CD46: variants seen among roughly 807,000 people sequenced by gnomAD.
CD46 encodes membrane cofactor protein.
In CD46, 30 loss-of-function variants were observed where a neutral mutation model predicts 53.3. That is an observed-to-expected ratio of 0.56 (90% CI 0.42 to 0.76). CD46 has a LOEUF of 0.76. CD46 is among the 30% of genes least tolerant of loss of function. CD46 has a pLI of 0.00. For missense variants in CD46, 409 were observed against 463.0 expected, an observed-to-expected ratio of 0.88 and a Z score of 1.07; for synonymous variants, 142 against 152.0, an observed-to-expected ratio of 0.93 and a Z score of 0.48.
chr1:207,767,245 T>A (rs760897738), intron 6 of CD46, 50 bp downstream of exon 6: 1 of 1,479,134 alleles, frequency 6.8e-7, no homozygotes, highest in Admixed American at 1.7e-5. Context: ...TTGTTGCTGT[T>A]CATTTTAGAC....
chr1:207,759,736 CTT>C lies in CD46; in HGVS notation c.475+20_475+21del. ...CCCAATATGTGAAAGTAAGTAAATT[CTT>C]TTTTTTTAAATTTAGACCAGTAGTC... On this transcript the variant is annotated intron_variant, in intron 4 of 12. Coordinates refer to ENST00000367042, the MANE Select transcript of CD46 (RefSeq NM_172351.3). 1 of 1,545,088 alleles carries C rather than the reference CTT, an allele frequency of 6.5e-7. No individual in the cohort carries two copies. Among genetic ancestry groups the C allele is most frequent in the Non-Finnish European group, 8.9e-7 (1 of 1,120,080 alleles).
intron 8 of CD46, among the ~76,000 whole-genome samples, chr1:207,775,852 C>T (rs974562272): frequency 3.9e-5 from 6 of 152,200 alleles, no homozygotes; most frequent in African/African-American, 1.4e-4. Context: ...GCAGTCTGTC[C>T]AGTGTCGAAG....
intron 8 of CD46, among the ~76,000 whole-genome samples, chr1:207,781,095 A>G (rs925697188): frequency 6.6e-6 from 1 of 150,942 alleles, no homozygotes; most frequent in African/African-American, 2.4e-5. Context: ...ATTAAATTTC[A>G]TCATGAGTTT....
chr1:207,752,154 G>C lies in CD46; in HGVS notation c.-59G>C. On this transcript the variant is annotated 5_prime_UTR_variant, in exon 1 of 13. Coordinates refer to ENST00000367042, the MANE Select transcript of CD46 (RefSeq NM_172351.3). The surrounding 1 kb of genome is among the most constrained non-coding windows in gnomAD (Gnocchi z 4.1). Reference sequence around the variant, plus strand: ...GACCCAGAAGGGACTTCCCTGCTCGGCTGGCTCTCGGTTTCTCTGCTTTCC... The same window carrying C: ...GACCCAGAAGGGACTTCCCTGCTCGCCTGGCTCTCGGTTTCTCTGCTTTCC... 6.6e-7 allele frequency: 1 copy of C among 1,508,686 alleles called. No homozygotes were observed. The highest frequency in any genetic ancestry group is 9.2e-7 in the Non-Finnish European group (1 of 1,089,654). 93.5% of individuals were successfully genotyped at this position (1,508,686 alleles called of 1,614,324 possible).
chr1:207,777,850 T>C (rs1658284766), intron 8 of CD46, among the ~76,000 whole-genome samples: 1 of 152,170 alleles, frequency 6.6e-6, no homozygotes, highest in Non-Finnish European at 1.5e-5. Flanking sequence ...TTTAGGTCTT[T>C]GAGGAATCGC....
intron 11 of CD46, among the ~76,000 whole-genome samples, chr1:207,789,734 C>T (rs1157914103): frequency 6.6e-6 from 1 of 151,886 alleles, no homozygotes; most frequent in Admixed American, 6.6e-5. Flanking sequence ...TGTATTCCCT[C>T]AAAATTGAGG....
intron 3 of CD46, 85 bp downstream of exon 3, chr1:207,757,727 T>A (rs1312018840): frequency 2.2e-6 from 2 of 891,998 alleles, no homozygotes; most frequent in Non-Finnish European, 3.6e-6. Flanking sequence ...CCTGTAAACT[T>A]AATTTTGCTT....
At chr1:207,783,499 CA>C in intron 9 of CD46, 169 bp downstream of exon 9, 1 of 513,378 alleles carries the variant, frequency 1.9e-6, no homozygotes, top group Non-Finnish European at 3.6e-6. Context: ...TTTCTTTCCA[CA>C]TTATATTGTT....
chr1:207,791,850 G>C (rs779463664), intron 12 of CD46, among the ~76,000 whole-genome samples: 32 of 152,100 alleles, frequency 2.1e-4, no homozygotes, highest in Non-Finnish European at 4.3e-4. Context: ...CTTCAAAATA[G>C]CTTCATTGTT....
In CD46 at chr1:207,775,090, CT is replaced by C. The variant is rs1284695973; in HGVS notation, c.943+4734del. On this transcript the variant is annotated intron_variant, in intron 8 of 12. Coordinates refer to ENST00000367042, the MANE Select transcript of CD46 (RefSeq NM_172351.3). Reference sequence around the variant, plus strand: ...TGGAGGCTTTGTTTGTTTCTTTTCACTTTTTTCTCTAATCTTGTCTTCTTTT... The same window carrying C: ...TGGAGGCTTTGTTTGTTTCTTTTCACTTTTTCTCTAATCTTGTCTTCTTTT... Among the ~76,000 whole-genome samples the C allele has an allele frequency of 2.0e-5, 3 of 152,046 alleles. No individual in the cohort carries two copies. The East Asian group carries it at 5.8e-4, about 29-fold the overall frequency.
In CD46 at chr1:207,767,157, A is replaced by G; in HGVS notation, c.818A>G (p.Asn273Ser). The G allele has an allele frequency of 6.2e-7, 1 of 1,613,966 alleles. No homozygotes were observed. Among genetic ancestry groups the G allele is most frequent in the South Asian group, 1.1e-5 (1 of 91,086 alleles). ...AGCGACACAATTGTCTGTGACAGTAACAGTACTTGGGATCCCCCAGTTCCA... is the reference window on the plus strand; with the variant it reads ...AGCGACACAATTGTCTGTGACAGTAGCAGTACTTGGGATCCCCCAGTTCCA... ...DGSDTIVCDS[N>S]STWDPPVPKC... Residue 273 changes from asparagine (N) to serine (S), a missense_variant, in exon 6 of 13, where the codon AAC becomes AGC. Transcript: ENST00000367042.
chr1:207,768,695 G>A (rs550373657), intron 7 of CD46: 1 of 151,162 alleles, frequency 6.6e-6, no homozygotes, highest in Non-Finnish European at 1.5e-5. Flanking sequence ...TGATATGATG[G>A]AAGGAATTAT....
chr1:207,790,399 A>G, intron 12 of CD46, 54 bp downstream of exon 12: 1 of 873,604 alleles, frequency 1.1e-6, no homozygotes, highest in Non-Finnish European at 1.9e-6. Context: ...AAAAATATTC[A>G]GTGGATATAT....
Position 207,756,984 on chromosome 1 carries a change from A to C in CD46, c.98-30A>C, listed in dbSNP as rs531437382. 5.4e-5 allele frequency: 85 copies of C among 1,582,730 alleles called. 1 individual carries two copies. In the South Asian group the frequency reaches 8.4e-4, roughly 16 times the overall value. ...CTGATGAAAGTGATATCAGTACTTCATCTTCATGTTCCTATTCTCTTATCC... is the reference window on the plus strand; with the variant it reads ...CTGATGAAAGTGATATCAGTACTTCCTCTTCATGTTCCTATTCTCTTATCC... On this transcript the variant is annotated intron_variant, in intron 1 of 12. Transcript: ENST00000367042.
intron 8 of CD46, among the ~76,000 whole-genome samples, chr1:207,773,174 G>C (rs1329564423): frequency 6.6e-6 from 1 of 152,190 alleles, no homozygotes; most frequent in Non-Finnish European, 1.5e-5. Context: ...AGATTTTCTA[G>C]CTTATTTGTG....
rs1193033648 is a variant in CD46, at chr1:207,752,852, T to C, written c.97+543T>C. Reference sequence around the variant, plus strand: ...GGTGTTGCTGGGAGCGTGCTGTGCGTAAGTGGCCTGTGTGCAGAGTTCACT... The same window carrying C: ...GGTGTTGCTGGGAGCGTGCTGTGCGCAAGTGGCCTGTGTGCAGAGTTCACT... On this transcript the variant is annotated intron_variant, in intron 1 of 12. Transcript: ENST00000367042. This position sits in a 1 kb window ranked among gnomAD's most constrained non-coding sequence, Gnocchi z 4.1. Among the ~76,000 whole-genome samples, 5 of 152,064 alleles carry C rather than the reference T, an allele frequency of 3.3e-5. No homozygotes were observed. The highest frequency in any genetic ancestry group is 1.9e-4 in the East Asian group (1 of 5,182).
At chr1:207,791,667 C>T (rs921172949) in intron 12 of CD46, among the ~76,000 whole-genome samples, 10 of 152,160 alleles carry the variant, frequency 6.6e-5, no homozygotes, top group Admixed American at 2.0e-4. Context: ...TAACTGAAAC[C>T]GTGCAAAGTG....
At position 207,788,444 on chromosome 1, in the gene CD46, C is replaced by T. The variant is rs188348932; in HGVS notation, c.1083-1809C>T. On this transcript the variant is annotated intron_variant, in intron 11 of 12. Transcript: ENST00000367042. The stretch of plus-strand genomic sequence containing the variant: ...TGAGGCAGGAGAATGGCGTGAACCC[C>T]GGAGGCGGAGCTTGCAGTGAGCGAG... Among the ~76,000 whole-genome samples, 1,187 of 151,906 alleles carry T rather than the reference C, an allele frequency of 7.8e-3. 7 individuals carry two copies. The highest frequency in any genetic ancestry group is 0.014 in the Non-Finnish European group (921 of 67,936).
chr1:207,765,993 G>A (rs1656803148), intron 5 of CD46, among the ~76,000 whole-genome samples: 1 of 152,192 alleles, frequency 6.6e-6, no homozygotes, highest in African/African-American at 2.4e-5. Flanking sequence ...ACTGATTCAT[G>A]CAGCAACACA....
Sources: allele counts gnomAD v4.1 joint callset (sites outside exome capture counted in the v4.1 genomes callset), GRCh38; gene constraint gnomAD v4.1.1; non-coding constraint Gnocchi (gnomAD v3.1); transcripts MANE v1.5; gene names NCBI Gene and HGNC (gene_info 2026-07-23, HGNC 2026-07-21).